ZNF521: variants seen among roughly 807,000 people sequenced by gnomAD.
The protein encoded by ZNF521 is zinc finger protein 521.
ZNF521 carries 14 observed loss-of-function variants against 105.5 expected under a neutral mutation model. That is an observed-to-expected ratio of 0.13 (90% CI 0.09 to 0.21). The LOEUF (loss-of-function observed/expected upper bound fraction) is 0.21. Among genes scored for constraint, ZNF521 ranks in the 10% least tolerant of loss-of-function variants. The pLI is 1.00. For missense variants in ZNF521, 1,233 were observed against 1,629.7 expected, an observed-to-expected ratio of 0.76 and a Z score of 4.19; for synonymous variants, 635 against 606.0, an observed-to-expected ratio of 1.05 and a Z score of -0.70.
At chr18:25,175,140 T>C (rs2035515135) in intron 5 of ZNF521, among the ~76,000 whole-genome samples, 1 of 152,174 alleles carries the variant, frequency 6.6e-6, no homozygotes, top group Non-Finnish European at 1.5e-5. Context: ...GGACTTTGAG[T>C]ACATTACAAT....
intron 3 of ZNF521, among the ~76,000 whole-genome samples, chr18:25,280,836 A>G (rs1430153720): frequency 6.6e-6 from 1 of 152,226 alleles, no homozygotes; most frequent in African/African-American, 2.4e-5. Context: ...ATGTATTCAC[A>G]TCAAAGATTG....
intron 4 of ZNF521, among the ~76,000 whole-genome samples, chr18:25,204,790 T>G (rs2036050385): frequency 6.6e-6 from 1 of 152,124 alleles, no homozygotes; most frequent in South Asian, 2.1e-4. Context: ...GACCAACTCA[T>G]GTCCCTCCCT....
chr18:25,106,465 A>C (rs1044638363), intron 5 of ZNF521, among the ~76,000 whole-genome samples: 32 of 152,162 alleles, frequency 2.1e-4, no homozygotes, highest in African/African-American at 6.5e-4. Flanking sequence ...TTAAAAAAAA[A>C]TCCGTTGAAA....
chr18:25,093,079 T>C (rs896866537), intron 5 of ZNF521, among the ~76,000 whole-genome samples: 2 of 152,132 alleles, frequency 1.3e-5, no homozygotes, highest in Admixed American at 6.5e-5. Context: ...TAAAACCCTA[T>C]GAGAAAAACT....
At chr18:25,085,653 ATGTGTGTGTGTGTGTG>A (rs10569576) in intron 7 of ZNF521, among the ~76,000 whole-genome samples, 4 of 144,258 alleles carry the variant, frequency 2.8e-5, no homozygotes, top group Non-Finnish European at 4.5e-5. Context: ...CCATATATAT[ATGTGTGTGTGTGTGTG>A]TGTGTGTGTG....
At chr18:25,235,260 G>T (rs1328610218) in intron 3 of ZNF521, among the ~76,000 whole-genome samples, 1 of 152,166 alleles carries the variant, frequency 6.6e-6, no homozygotes, top group Non-Finnish European at 1.5e-5. Flanking sequence ...CTTTGCACCA[G>T]TGTGAAATAT....
At chr18:25,167,354 T>A (rs1396629692) in intron 5 of ZNF521, among the ~76,000 whole-genome samples, 1 of 152,218 alleles carries the variant, frequency 6.6e-6, no homozygotes, top group East Asian at 1.9e-4. Context: ...TAGGCTGAAT[T>A]TTTAAAGGCA....
At position 25,170,666 on chromosome 18, in the gene ZNF521, G is replaced by A. The variant is rs141371625; in HGVS notation, c.3658+24494C>T. Among the ~76,000 whole-genome samples, 470 of 152,108 alleles carry A rather than the reference G, an allele frequency of 3.1e-3. 2 individuals carry two copies. The highest frequency in any genetic ancestry group is 0.011 in the African/African-American group (444 of 41,518). On this transcript the variant is annotated intron_variant, in intron 5 of 7. Coordinates refer to ENST00000361524, the MANE Select transcript of ZNF521 (RefSeq NM_015461.3). ...TCAGTGACACCCAATTTGATCTCAC[G>A]TCCACTATTAAATCGTAGCCGTGTA...
chr18:25,307,709 C>T (rs1429365183), intron 3 of ZNF521, among the ~76,000 whole-genome samples: 1 of 152,154 alleles, frequency 6.6e-6, no homozygotes. Context: ...TATGCCACTT[C>T]CAGGATGAAG....
chr18:25,195,144 T>C lies in ZNF521; in HGVS notation c.3658+16A>G. 6.3e-7 allele frequency: 1 copy of C among 1,585,030 alleles called. No individual in the cohort carries two copies. Among genetic ancestry groups the C allele is most frequent in the South Asian group, 1.1e-5 (1 of 89,312 alleles). On this transcript the variant is annotated intron_variant, in intron 5 of 7. Coordinates refer to ENST00000361524, the MANE Select transcript of ZNF521 (RefSeq NM_015461.3). Reference sequence around the variant, plus strand: ...AAGAAACATCTATCTGTAATAAGGTTTAGAGTGTCACTCACCAATCATGTG... The same window carrying C: ...AAGAAACATCTATCTGTAATAAGGTCTAGAGTGTCACTCACCAATCATGTG...
chr18:25,273,525 C>T (rs1453206256), intron 3 of ZNF521: 2 of 152,092 alleles, frequency 1.3e-5, no homozygotes, highest in Non-Finnish European at 2.9e-5. Context: ...AGTTGAAACC[C>T]GAGCTTCATT....
At chr18:25,083,149 T>G (rs1438546855) in intron 7 of ZNF521, among the ~76,000 whole-genome samples, 1 of 151,906 alleles carries the variant, frequency 6.6e-6, no homozygotes, top group African/African-American at 2.4e-5. Flanking sequence ...GACAGGGGAG[T>G]GTATTAGTTT....
chr18:25,223,562 T>C (rs996128259), intron 4 of ZNF521, among the ~76,000 whole-genome samples: 3 of 152,058 alleles, frequency 2.0e-5, no homozygotes, highest in African/African-American at 7.2e-5. Flanking sequence ...CATAAAGAAA[T>C]ATTAAAATGA....
In ZNF521 at chr18:25,092,049, T is replaced by A. The variant is rs750690726; in HGVS notation, c.3691A>T (p.Ser1231Cys). ...EGLNHECKLC[S>C]QTFDSPAKLQ... The stretch of plus-strand genomic sequence containing the variant: ...TTGGCAGGAGAGTCAAAGGTCTGGC[T>A]GCAGAGTTTGCATTCATGGTTCAGT... Residue 1231 changes from serine (S) to cysteine (C), a missense_variant, in exon 6 of 8, where the codon AGC becomes TGC. Coordinates refer to ENST00000361524, the MANE Select transcript of ZNF521 (RefSeq NM_015461.3). 5.6e-6 allele frequency: 9 copies of A among 1,614,014 alleles called. No homozygotes were observed. In the South Asian group the frequency reaches 8.8e-5, roughly 16 times the overall value.
intron 5 of ZNF521, among the ~76,000 whole-genome samples, chr18:25,168,357 G>A (rs1264000393): frequency 1.3e-5 from 2 of 152,114 alleles, no homozygotes; most frequent in Non-Finnish European, 2.9e-5. Context: ...ACATACGACA[G>A]CCATTTTAGA....
intron 2 of ZNF521, among the ~76,000 whole-genome samples, chr18:25,325,556 A>C (rs1253089720): frequency 6.6e-6 from 1 of 152,106 alleles, no homozygotes; most frequent in African/African-American, 2.4e-5. Context: ...GTGATATTTT[A>C]AAATATCCCC....
chr18:25,064,164 G>C (rs904228333), intron 7 of ZNF521, among the ~76,000 whole-genome samples: 1 of 152,260 alleles, frequency 6.6e-6, no homozygotes, highest in Non-Finnish European at 1.5e-5. Context: ...GAGAGGAAGG[G>C]CATGGTCCTT....
intron 7 of ZNF521, among the ~76,000 whole-genome samples, chr18:25,088,029 G>A (rs778719756): frequency 8.5e-5 from 13 of 152,112 alleles, no homozygotes; most frequent in Non-Finnish European, 1.8e-4. Flanking sequence ...AGGACCCAAT[G>A]TGGGATGGAA....
intron 5 of ZNF521, among the ~76,000 whole-genome samples, chr18:25,106,358 T>C (rs534903032): frequency 2.0e-5 from 3 of 152,232 alleles, no homozygotes; most frequent in South Asian, 4.2e-4. Context: ...GCTCAAATGA[T>C]TGGGGTTAAC....
Sources: gnomAD v4.1 joint callset for allele counts (sites outside exome capture counted in the v4.1 genomes callset) on GRCh38, gnomAD v4.1.1 for gene constraint, MANE v1.5 for transcripts, NCBI Gene and HGNC (gene_info 2026-07-23, HGNC 2026-07-21) for gene names.